The following AGBL3 variants were observed in gnomAD, a reference collection of about 807,000 sequenced individuals.
AGBL3 encodes AGBL carboxypeptidase 3, also known as cytosolic carboxypeptidase 3.
A neutral mutation model predicts 94.5 loss-of-function variants in AGBL3; 68 were observed. That is an observed-to-expected ratio of 0.72 (90% confidence interval 0.59 to 0.88). AGBL3 has a LOEUF of 0.88. Among genes scored for constraint, AGBL3 ranks in the 40% least tolerant of loss-of-function variants. AGBL3 has a pLI of 0.00. For synonymous variants in AGBL3, 354 were observed against 370.7 expected, an observed-to-expected ratio of 0.95 and a Z score of 0.52; for missense variants, 934 against 1,103.8, an observed-to-expected ratio of 0.85 and a Z score of 2.18.
intron 4 of AGBL3, among the ~76,000 whole-genome samples, chr7:135,000,635 T>C (rs941825702): frequency 2.6e-5 from 4 of 152,200 alleles, no homozygotes; most frequent in Non-Finnish European, 4.4e-5. Context: ...ACTGATATAA[T>C]AAATACACAC....
intron 4 of AGBL3, among the ~76,000 whole-genome samples, chr7:134,994,451 T>C (rs113660062): frequency 1.4e-3 from 220 of 152,336 alleles, no homozygotes; most frequent in African/African-American, 5.1e-3. Flanking sequence ...GTAAAGCTTA[T>C]AGCCTCATCT....
At chr7:135,119,391 G>A (rs1826800543) in intron 16 of AGBL3, among the ~76,000 whole-genome samples, 1 of 212 alleles carries the variant, frequency 4.7e-3, no homozygotes, top group Non-Finnish European at 0.01. Flanking sequence ...CACCATGCCT[G>A]GCCCAATTTT....
At chr7:135,117,206 T>C (rs569792635) in intron 16 of AGBL3, among the ~76,000 whole-genome samples, 4 of 150,468 alleles carry the variant, frequency 2.7e-5, no homozygotes, top group African/African-American at 9.7e-5. Flanking sequence ...CATTACCAAA[T>C]GGAATGCCAA....
At chr7:135,092,246 G>C (rs1821960301) in intron 15 of AGBL3, 2 of 152,226 alleles carry the variant, frequency 1.3e-5, no homozygotes, top group South Asian at 2.1e-4. Context: ...TATGAGCTGA[G>C]GAACTCTGCT....
At chr7:135,001,514 C>T (rs1811712831) in intron 4 of AGBL3, among the ~76,000 whole-genome samples, 1 of 152,158 alleles carries the variant, frequency 6.6e-6, no homozygotes, top group Admixed American at 6.5e-5. Context: ...GTAAATAGAA[C>T]AGATTTGTTT....
rs1209460740 is a variant in AGBL3 at position 135,102,695 on chromosome 7, A to G, written c.2111-12685A>G. ...TCTCCCATCTCCAGATCATAAAATG[A>G]TCATCTATTTGGCTCTTAAATATTC... On this transcript the variant is annotated intron_variant, in intron 15 of 16. Transcript: ENST00000436302. Among the ~76,000 whole-genome samples, 3 of 151,332 alleles carry G rather than the reference A, an allele frequency of 2.0e-5. No individual in the cohort carries two copies. The South Asian group carries it at 6.3e-4, about 32-fold the overall frequency.
rs549103062 is a variant in AGBL3 at position 135,034,926 on chromosome 7, T to C, written c.1335T>C (p.His445=). The part of the protein sequence containing the change: ...PSVWYTRNMV[H]RLMEKREVIL... ...TATGGTATACCCGGAACATGGTTCA[T>C]AGGTAAAATAAGCCTCAAATTACCT... Residue 445 remains histidine, a splice_region_variant and synonymous_variant, in exon 7 of 17, where the codon CAT becomes CAC. Transcript: ENST00000436302. The C allele has an allele frequency of 4.0e-6, 6 of 1,488,590 alleles. No individual in the cohort carries two copies. Among genetic ancestry groups the C allele is most frequent in the African/African-American group, 1.4e-5 (1 of 71,146 alleles). 92.2% of individuals were successfully genotyped at this position (1,488,590 alleles called of 1,614,324 possible). A position where few individuals can be genotyped will look rare whatever the true frequency, so the allele number is the denominator to read the frequency against.
At chr7:135,030,609 T>C (rs766870879) in intron 5 of AGBL3, among the ~76,000 whole-genome samples, 41 of 152,214 alleles carry the variant, frequency 2.7e-4, no homozygotes, top group Non-Finnish European at 5.0e-4. Context: ...CATAGGTTAG[T>C]AGGGGTTTTG....
chr7:135,048,570 G>T (rs1349629205), intron 11 of AGBL3, among the ~76,000 whole-genome samples: 1 of 151,610 alleles, frequency 6.6e-6, no homozygotes, highest in Non-Finnish European at 1.5e-5. Flanking sequence ...TCTTAGTTAG[G>T]TTTATTCCTA....
At chr7:135,104,024 C>T (rs1256994103) in intron 15 of AGBL3, among the ~76,000 whole-genome samples, 1 of 151,954 alleles carries the variant, frequency 6.6e-6, no homozygotes, top group Non-Finnish European at 1.5e-5. Flanking sequence ...ATTTCATCAC[C>T]CCAGTACCCA....
rs539020499 is a variant in AGBL3, at chr7:135,033,645, A to G, written c.558-504A>G. Among the ~76,000 whole-genome samples, 30 of 152,306 alleles carry G rather than the reference A, an allele frequency of 2.0e-4. No individual in the cohort carries two copies. The South Asian group carries it at 5.6e-3, about 28-fold the overall frequency. On this transcript the variant is annotated intron_variant, in intron 6 of 16. Coordinates refer to ENST00000436302, the MANE Select transcript of AGBL3 (RefSeq NM_178563.4). ...CCAAAGACTAAGTAAAGGGATGCAA[A>G]TAGTTATCGAATGCAGTTCTTGTTC...
chr7:135,024,171 A>G (rs912785130), intron 5 of AGBL3, among the ~76,000 whole-genome samples: 5 of 152,174 alleles, frequency 3.3e-5, no homozygotes, highest in African/African-American at 1.2e-4. Flanking sequence ...CCTAACAACA[A>G]AAAAACACAA....
At chr7:135,027,431 AT>A (rs1340853830) in intron 5 of AGBL3, among the ~76,000 whole-genome samples, 1 of 18,486 alleles carries the variant, frequency 5.4e-5, no homozygotes. Context: ...AGGAGAAAAA[AT>A]TGTATTTATA....
Position 135,044,150 on chromosome 7 carries a change from G to A in AGBL3, c.1626G>A (p.Leu542=). 2 of 1,548,028 alleles carry A rather than the reference G, an allele frequency of 1.3e-6. No homozygotes were observed. Among genetic ancestry groups the A allele is most frequent in the Non-Finnish European group, 1.7e-6 (2 of 1,144,902 alleles). Residue 542 remains leucine, a splice_region_variant and synonymous_variant, in exon 9 of 17, where the codon CTG becomes CTA. Transcript: ENST00000436302. ...AGGCCACCTTCTGTGGATCTACTCT[G>A]GGTAAGACCAAGGGTTCTCATTCAC... ...TMEATFCGST[L]GNKRGTHFST... is the part of the protein sequence containing the mutation.
At chr7:135,051,389 C>G (rs7801653) in intron 11 of AGBL3, among the ~76,000 whole-genome samples, 1 of 151,752 alleles carries the variant, frequency 6.6e-6, no homozygotes, top group African/African-American at 2.4e-5. Flanking sequence ...CTCAACAATA[C>G]AAGACCAATT....
At chr7:135,008,533 A>C (rs1376523698) in intron 4 of AGBL3, among the ~76,000 whole-genome samples, 1 of 152,078 alleles carries the variant, frequency 6.6e-6, no homozygotes, top group African/African-American at 2.4e-5. Flanking sequence ...TAAAACCCTT[A>C]CAAGGAAACA....
intron 15 of AGBL3, among the ~76,000 whole-genome samples, chr7:135,098,416 T>A (rs1208378826): frequency 5.3e-5 from 8 of 152,194 alleles, no homozygotes; most frequent in African/African-American, 1.9e-4. Flanking sequence ...CTATATTGTT[T>A]AGGGAATGAT....
chr7:135,117,236 A>G (rs968095222), intron 16 of AGBL3, among the ~76,000 whole-genome samples: 3 of 114,150 alleles, frequency 2.6e-5, no homozygotes, highest in African/African-American at 8.9e-5. Flanking sequence ...TTATTCCTCC[A>G]TATTGAAATC....
At chr7:135,129,064 C>G in intron 16 of AGBL3, 1 of 1,608,498 alleles carries the variant, frequency 6.2e-7, no homozygotes, top group Non-Finnish European at 8.5e-7. Flanking sequence ...CTCAACTGCC[C>G]AGAACCAAAG....
Sources: gnomAD v4.1 joint callset for allele counts (sites outside exome capture counted in the v4.1 genomes callset) on GRCh38, gnomAD v4.1.1 for gene constraint, MANE v1.5 for transcripts, NCBI Gene and HGNC (gene_info 2026-07-23, HGNC 2026-07-21) for gene names.